PLCL1: variants seen among roughly 807,000 people sequenced by gnomAD.
PLCL1 encodes phospholipase C like 1 (inactive).
A neutral mutation model predicts 84.4 loss-of-function variants in PLCL1; 41 were observed. That is an observed-to-expected ratio of 0.49 (90% CI 0.38 to 0.63). The LOEUF is 0.63. Ranked by LOEUF, PLCL1 falls within the 30% of genes least tolerant of loss-of-function variation. The pLI is 0.00. For missense variants in PLCL1, 1,206 were observed against 1,367.8 expected (o/e 0.88, Z 1.87); for synonymous variants, 490 against 488.3 (o/e 1.00, Z -0.05).
Position 197,894,206 on chromosome 2 carries a change from T to C in PLCL1, c.240+88867T>C, listed in dbSNP as rs148867003. Among the ~76,000 whole-genome samples, 89 of 152,078 alleles carry C rather than the reference T, an allele frequency of 5.9e-4. 4 individuals carry two copies. In the South Asian group the frequency reaches 0.014, roughly 24 times the overall value. On this transcript the variant is annotated intron_variant, in intron 1 of 5. Transcript: ENST00000428675. ...TATGAAAAGGCAGGGAAAGTGAATA[T>C]TTAGCTTTGTCAACCTTAAAAGTAG...
chr2:197,918,750 A>G (rs1178907776), intron 1 of PLCL1, among the ~76,000 whole-genome samples: 1 of 152,080 alleles, frequency 6.6e-6, no homozygotes, highest in African/African-American at 2.4e-5. Context: ...GGCGAAACTC[A>G]ATCTCTGCCA....
chr2:197,977,877 C>T (rs554906450), intron 1 of PLCL1, among the ~76,000 whole-genome samples: 1 of 152,306 alleles, frequency 6.6e-6, no homozygotes, highest in African/African-American at 2.4e-5. Flanking sequence ...TACTGCTCCC[C>T]AGATTTTCCC....
chr2:198,042,790 T>G (rs548782465), intron 1 of PLCL1, among the ~76,000 whole-genome samples: 3 of 152,260 alleles, frequency 2.0e-5, no homozygotes, highest in Non-Finnish European at 1.5e-5. Context: ...ACCTTGGGCA[T>G]GGAGAAACAG....
At chr2:197,857,062 T>A (rs977601531) in intron 1 of PLCL1, among the ~76,000 whole-genome samples, 1 of 152,084 alleles carries the variant, frequency 6.6e-6, no homozygotes, top group African/African-American at 2.4e-5. Flanking sequence ...GGATGATATG[T>A]GCATCAAACC....
chr2:197,817,636 C>T (rs939333645), intron 1 of PLCL1, among the ~76,000 whole-genome samples: 1 of 151,970 alleles, frequency 6.6e-6, no homozygotes, highest in Non-Finnish European at 1.5e-5. Context: ...TGGTCTTTAT[C>T]CAGAGACATC....
At chr2:198,014,953 C>T (rs1396374251) in intron 1 of PLCL1, among the ~76,000 whole-genome samples, 1 of 152,072 alleles carries the variant, frequency 6.6e-6, no homozygotes, top group African/African-American at 2.4e-5. Flanking sequence ...TTTTGTATAG[C>T]AGTAGCCAGT....
rs1207918676 is a variant in PLCL1 at position 197,897,165 on chromosome 2, CT to C, written c.240+91828del. ...TCTTCTTCTTCTTCTTCTTCTTCTT[CT>C]TCTTCTTCTTCTTCTTCTTCTTCTC... On this transcript the variant is annotated intron_variant, in intron 1 of 5. Coordinates refer to ENST00000428675, the MANE Select transcript of PLCL1 (RefSeq NM_006226.4). Among the ~76,000 whole-genome samples the C allele has an allele frequency of 1.2e-3, 38 of 31,446 alleles. 1 individual carries two copies. The highest frequency in any genetic ancestry group is 4.4e-3 in the African/African-American group (19 of 4,340). The allele number at this position is 31,446 out of a possible 152,430, so 20.6% of individuals were successfully genotyped here. A position where few individuals can be genotyped will look rare whatever the true frequency, so the allele number is the denominator to read the frequency against.
chr2:198,085,961 C>T lies in PLCL1; in HGVS notation c.2444C>T (p.Pro815Leu), dbSNP rs773785512. The T allele has an allele frequency of 1.9e-6, 3 of 1,613,976 alleles. No homozygotes were observed. The highest frequency in any genetic ancestry group is 2.5e-6 in the Non-Finnish European group (3 of 1,179,946). The change falls in exon 2 of 6, where the codon CCA (proline) becomes CTA (leucine). Residue 815 changes from proline (P) to leucine (L), a missense_variant. Coordinates refer to ENST00000428675, the MANE Select transcript of PLCL1 (RefSeq NM_006226.4). This position sits in a 1 kb window ranked among gnomAD's most constrained non-coding sequence, Gnocchi z 5.3. ...GAGTTTATAGGGCAATATACGATAC[C>T]ATTTGAATGTTTGCAGCCTGGATAT... ...GDEFIGQYTI[P>L]FECLQPGYRH... is the part of the protein sequence containing the mutation.
rs151118831 is a variant in PLCL1, at chr2:197,945,932, G to A, written c.241-137826G>A. Among the ~76,000 whole-genome samples, 396 of 152,082 alleles carry A rather than the reference G, an allele frequency of 2.6e-3. 7 individuals are homozygous for A. Among genetic ancestry groups the A allele is most frequent in the Admixed American group, 0.018 (274 of 15,260 alleles). ...TGTATATGTACACACATTTTTATTA[G>A]AATATGTTGTTGAGTGTGATTCATA... On this transcript the variant is annotated intron_variant, in intron 1 of 5. Coordinates refer to ENST00000428675, the MANE Select transcript of PLCL1 (RefSeq NM_006226.4).
intron 1 of PLCL1, among the ~76,000 whole-genome samples, chr2:197,975,147 CAAAAAA>C (rs71015804): frequency 5.0e-5 from 1 of 19,906 alleles, no homozygotes; most frequent in Non-Finnish European, 9.9e-5. Flanking sequence ...GACTCCATCT[CAAAAAA>C]AAAAAAAAAA....
At chr2:197,923,195 C>T (rs1290572868) in intron 1 of PLCL1, among the ~76,000 whole-genome samples, 2 of 146,328 alleles carry the variant, frequency 1.4e-5, no homozygotes, top group Admixed American at 1.3e-4. Flanking sequence ...GGGCGGCTGG[C>T]CGGGCGGGGG....
intron 1 of PLCL1, among the ~76,000 whole-genome samples, chr2:198,018,150 C>T (rs749387948): frequency 1.1e-4 from 17 of 152,122 alleles, no homozygotes; most frequent in South Asian, 2.1e-4. Flanking sequence ...CCCTTCCTAT[C>T]CAAGGGAAGC....
intron 1 of PLCL1, among the ~76,000 whole-genome samples, chr2:197,823,065 T>C (rs1229130145): frequency 6.6e-6 from 1 of 152,120 alleles, no homozygotes; most frequent in East Asian, 1.9e-4. Flanking sequence ...TTAAAAATGA[T>C]TTTCTATTTT....
intron 1 of PLCL1, among the ~76,000 whole-genome samples, chr2:197,899,280 GATAAGA>G (rs969681158): frequency 1.5e-4 from 22 of 151,686 alleles, no homozygotes; most frequent in Non-Finnish European, 3.1e-4. Context: ...ACAGACTAAG[GATAAGA>G]ATAAGAATAA....
At chr2:197,923,212 C>G (rs1374594038) in intron 1 of PLCL1, among the ~76,000 whole-genome samples, 1 of 143,576 alleles carries the variant, frequency 7.0e-6, no homozygotes, top group Non-Finnish European at 1.6e-5. Flanking sequence ...GGGGGCTGAC[C>G]CCCCACCTCC....
chr2:197,826,110 A>C (rs1351670011), intron 1 of PLCL1, among the ~76,000 whole-genome samples: 1 of 152,184 alleles, frequency 6.6e-6, no homozygotes, highest in Non-Finnish European at 1.5e-5. Context: ...ACAGCAGTGG[A>C]CTGGTGTATG....
chr2:197,867,565 G>A (rs901067678), intron 1 of PLCL1, among the ~76,000 whole-genome samples: 1 of 152,014 alleles, frequency 6.6e-6, no homozygotes, highest in Non-Finnish European at 1.5e-5. Context: ...TTTGTTTCTA[G>A]TCCCATTTAG....
intron 1 of PLCL1, among the ~76,000 whole-genome samples, chr2:197,970,428 T>C (rs1689838966): frequency 6.6e-6 from 1 of 152,060 alleles, no homozygotes; most frequent in Non-Finnish European, 1.5e-5. Context: ...TCAATGAGAG[T>C]TTTGGAGTGA....
chr2:197,922,645 A>AC (rs1046009437), intron 1 of PLCL1, among the ~76,000 whole-genome samples: 5 of 122,318 alleles, frequency 4.1e-5, no homozygotes, highest in Non-Finnish European at 6.9e-5. Flanking sequence ...CAGGGGGCTG[A>AC]CCCCCCCACC....
Sources: allele counts gnomAD v4.1 joint callset (sites outside exome capture counted in the v4.1 genomes callset), GRCh38; gene constraint gnomAD v4.1.1; non-coding constraint Gnocchi (gnomAD v3.1); transcripts MANE v1.5; gene names NCBI Gene and HGNC (gene_info 2026-07-23, HGNC 2026-07-21).